Variants in ADAM32 observed in about 807,000 individuals in gnomAD.
The protein encoded by ADAM32 is disintegrin and metalloproteinase domain-containing protein 32.
In ADAM32, 89 loss-of-function variants were observed where a neutral mutation model predicts 114.9. The ratio of observed to expected loss-of-function variants is 0.77; its 90% CI spans 0.65 to 0.92. The LOEUF is 0.92. Among genes scored for constraint, ADAM32 ranks in the 40% least tolerant of loss-of-function variants. ADAM32 has a pLI of 0.00. For synonymous variants in ADAM32, 285 were observed against 307.5 expected, an observed-to-expected ratio of 0.93 and a Z score of 0.77; for missense variants, 870 against 932.8, an observed-to-expected ratio of 0.93 and a Z score of 0.88.
chr8:39,206,717 A>T lies in ADAM32; in HGVS notation c.1053-4427A>T, dbSNP rs73606760. On this transcript the variant is annotated intron_variant, in intron 11 of 24. Transcript: ENST00000379907. ...CTGAATCAGCTAGAGTGCTGGAGAC[A>T]CAACTACATTCCTGGGTCAATCCTG... Among the ~76,000 whole-genome samples the T allele has an allele frequency of 5.7e-3, 874 of 152,298 alleles. 4 individuals carry two copies. The highest frequency in any genetic ancestry group is 0.02 in the African/African-American group (813 of 41,556).
intron 11 of ADAM32, among the ~76,000 whole-genome samples, chr8:39,188,668 T>G (rs1215552485): frequency 6.6e-6 from 1 of 152,160 alleles, no homozygotes; most frequent in Non-Finnish European, 1.5e-5. Flanking sequence ...GATGAGAGGC[T>G]AAGTTATAAA....
intron 16 of ADAM32, among the ~76,000 whole-genome samples, chr8:39,239,818 A>T (rs1810435916): frequency 6.6e-6 from 1 of 152,240 alleles, no homozygotes; most frequent in African/African-American, 2.4e-5. Flanking sequence ...AAAAACACTT[A>T]AAAAAGACAA....
At chr8:39,239,637 A>T (rs79744628) in intron 16 of ADAM32, among the ~76,000 whole-genome samples, 41 of 152,164 alleles carry the variant, frequency 2.7e-4, no homozygotes, top group Non-Finnish European at 4.1e-4. Context: ...GAATGGCAGA[A>T]TGTATAATAA....
intron 15 of ADAM32, among the ~76,000 whole-genome samples, chr8:39,233,420 T>G (rs940405557): frequency 6.6e-6 from 1 of 152,174 alleles, no homozygotes; most frequent in Non-Finnish European, 1.5e-5. Context: ...GGTGGGAGTA[T>G]CTTTTAGCAT....
intron 19 of ADAM32, among the ~76,000 whole-genome samples, chr8:39,264,907 AGTGTGATTG>A (rs1271563996): frequency 2.2e-4 from 33 of 152,014 alleles, no homozygotes; most frequent in African/African-American, 8.0e-4. Context: ...GTGGTCTGAG[AGTGTGATTG>A]GTATGATTGG....
intron 12 of ADAM32, among the ~76,000 whole-genome samples, chr8:39,215,554 G>C (rs1366973737): frequency 6.6e-6 from 1 of 151,786 alleles, no homozygotes. Flanking sequence ...GTACTGTTTT[G>C]CTCTATCCCA....
intron 9 of ADAM32, 58 bp from the exon 10 acceptor site, chr8:39,169,858 A>G: frequency 7.7e-7 from 1 of 1,301,278 alleles, no homozygotes; most frequent in Non-Finnish European, 1.1e-6. Flanking sequence ...ATTAGCAGGA[A>G]TTCTCATTTT....
At chr8:39,127,058 G>A (rs1329657462) in intron 2 of ADAM32, among the ~76,000 whole-genome samples, 1 of 152,104 alleles carries the variant, frequency 6.6e-6, no homozygotes, top group East Asian at 1.9e-4. Flanking sequence ...ATATGCAGGT[G>A]GATTCAGTTT....
chr8:39,162,878 G>T (rs769416613), intron 7 of ADAM32, among the ~76,000 whole-genome samples: 1 of 152,110 alleles, frequency 6.6e-6, no homozygotes, highest in African/African-American at 2.4e-5. Flanking sequence ...GTGGACACCT[G>T]TAGTCCCAGC....
At chr8:39,107,604 G>C (rs1839976425), upstream of ADAM32, 5 of 1,441,710 alleles carry the variant, frequency 3.5e-6, no homozygotes, top group Admixed American at 1.4e-4. Context: ...CGCACGCTGC[G>C]GGCCCTTCGT....
At chr8:39,279,087 G>A (rs1025755108) in intron 22 of ADAM32, among the ~76,000 whole-genome samples, 2 of 152,034 alleles carry the variant, frequency 1.3e-5, no homozygotes, top group African/African-American at 2.4e-5. Context: ...ATGATTATAT[G>A]TTCTGATAGA....
In ADAM32 at chr8:39,276,054, T is replaced by C. The variant is rs1421752920; in HGVS notation, c.2279+188T>C. ...GAGTATTTGTCTAAATAAGACAATATCTTCTTTCCTGCAGTTTAGTTAATA... is the reference window on the plus strand; with the variant it reads ...GAGTATTTGTCTAAATAAGACAATACCTTCTTTCCTGCAGTTTAGTTAATA... On this transcript the variant is annotated intron_variant, in intron 22 of 24. Coordinates refer to ENST00000379907, the MANE Select transcript of ADAM32 (RefSeq NM_145004.7). 3 of 464,160 alleles carry C rather than the reference T, an allele frequency of 6.5e-6. No individual in the cohort carries two copies. The East Asian group carries it at 1.0e-4, about 16-fold the overall frequency. The allele number at this position is 464,160 out of a possible 1,614,324, so 28.8% of individuals were successfully genotyped here.
intron 6 of ADAM32, among the ~76,000 whole-genome samples, chr8:39,160,126 A>G (rs191060600): frequency 6.4e-4 from 97 of 152,338 alleles, no homozygotes; most frequent in African/African-American, 2.2e-3. Flanking sequence ...CAAGATTGGC[A>G]AAACAACACT....
At chr8:39,157,473 C>CT (rs910957337) in intron 6 of ADAM32, 364 of 356,850 alleles carry the variant, frequency 1.0e-3, no homozygotes, top group Middle Eastern at 2.8e-3. Flanking sequence ...TTTCTTCACT[C>CT]TTTTTTTTTC....
At chr8:39,206,725 A>G (rs1250344403) in intron 11 of ADAM32, among the ~76,000 whole-genome samples, 1 of 152,140 alleles carries the variant, frequency 6.6e-6, no homozygotes, top group South Asian at 2.1e-4. Context: ...ACACAACTAC[A>G]TTCCTGGGTC....
chr8:39,270,115 T>C (rs1812618680), intron 19 of ADAM32, among the ~76,000 whole-genome samples: 1 of 152,180 alleles, frequency 6.6e-6, no homozygotes. Flanking sequence ...ATGGGGATTA[T>C]GGGGATTACA....
intron 11 of ADAM32, among the ~76,000 whole-genome samples, chr8:39,192,450 G>A (rs1453493132): frequency 1.3e-5 from 2 of 152,140 alleles, no homozygotes; most frequent in Non-Finnish European, 2.9e-5. Flanking sequence ...ATATCATTGG[G>A]TCTTATTTCT....
intron 12 of ADAM32, among the ~76,000 whole-genome samples, chr8:39,213,004 T>TA (rs1384326476): frequency 1.8e-4 from 28 of 152,170 alleles, no homozygotes; most frequent in Admixed American, 1.4e-3. Flanking sequence ...AGCATGCTCT[T>TA]ACTGGCGATT....
chr8:39,243,790 C>G (rs1810717538), intron 16 of ADAM32, among the ~76,000 whole-genome samples: 1 of 148,256 alleles, frequency 6.7e-6, no homozygotes, highest in Non-Finnish European at 1.5e-5. Context: ...AGCAATCAAA[C>G]AAGAGAAAGA....
Sources: gnomAD v4.1 joint callset for allele counts (sites outside exome capture counted in the v4.1 genomes callset) on GRCh38, gnomAD v4.1.1 for gene constraint, MANE v1.5 for transcripts, NCBI Gene and HGNC (gene_info 2026-07-23, HGNC 2026-07-21) for gene names.